DAB2IP: variants seen among roughly 807,000 people sequenced by gnomAD.
DAB2IP encodes the protein DAB2 interacting protein.
A neutral mutation model predicts 107.2 loss-of-function variants in DAB2IP; 28 were observed. That is an observed-to-expected ratio of 0.26 (90% confidence interval 0.19 to 0.36). The LOEUF is 0.36. Ranked by LOEUF, DAB2IP falls within the 10% of genes least tolerant of loss-of-function variation. DAB2IP has a pLI of 1.00. For synonymous variants in DAB2IP, 755 were observed against 706.4 expected, an observed-to-expected ratio of 1.07 and a Z score of -1.09; for missense variants, 1,400 against 1,644.7, an observed-to-expected ratio of 0.85 and a Z score of 2.57.
At chr9:121,630,146 AC>A (rs994993066) in intron 1 of DAB2IP, among the ~76,000 whole-genome samples, 11 of 152,216 alleles carry the variant, frequency 7.2e-5, no homozygotes, top group Admixed American at 1.3e-4. Flanking sequence ...GACATGAGAT[AC>A]CCAGTTGTCA....
intron 3 of DAB2IP, among the ~76,000 whole-genome samples, chr9:121,717,105 C>T (rs1188942261): frequency 6.6e-6 from 1 of 152,160 alleles, no homozygotes; most frequent in South Asian, 2.1e-4. Flanking sequence ...GAATCTTGCC[C>T]TCAGAGAAGC....
chr9:121,663,142 G>A (rs1273626594), intron 1 of DAB2IP, among the ~76,000 whole-genome samples: 1 of 152,186 alleles, frequency 6.6e-6, no homozygotes, highest in Non-Finnish European at 1.5e-5. Context: ...GGAATAGGAA[G>A]CATGGGCTGT....
Position 121,733,247 on chromosome 9 carries a change from C to A in DAB2IP, c.363-23766C>A, listed in dbSNP as rs74783347. ...GCAGTTGGTGGGTTTTAGCAGCACC[C>A]TCCTTTAGAAAAAGCCTCTGTCGTC... On this transcript the variant is annotated intron_variant, in intron 3 of 15. Transcript: ENST00000408936. Among the ~76,000 whole-genome samples, 10 of 152,332 alleles carry A rather than the reference C, an allele frequency of 6.6e-5. No individual in the cohort carries two copies. The East Asian group carries it at 1.9e-3, about 29-fold the overall frequency.
intron 3 of DAB2IP, among the ~76,000 whole-genome samples, chr9:121,718,226 C>A (rs1238989353): frequency 6.6e-6 from 1 of 152,164 alleles, no homozygotes; most frequent in Non-Finnish European, 1.5e-5. Context: ...CTGCCTTCTC[C>A]CAGCTCCCTC....
At chr9:121,676,913 G>A (rs1364113181) in intron 1 of DAB2IP, among the ~76,000 whole-genome samples, 1 of 152,224 alleles carries the variant, frequency 6.6e-6, no homozygotes, top group Admixed American at 6.5e-5. Flanking sequence ...AAGTGGCCAG[G>A]TTGGCAGGTT....
intron 2 of DAB2IP, among the ~76,000 whole-genome samples, chr9:121,691,302 G>A (rs757022932): frequency 1.3e-5 from 2 of 152,116 alleles, no homozygotes; most frequent in Non-Finnish European, 2.9e-5. Flanking sequence ...TCTACAGGGA[G>A]ACCTGGCCTA....
At chr9:121,768,713 G>T in intron 10 of DAB2IP, 80 bp downstream of exon 10, 4 of 1,560,382 alleles carry the variant, frequency 2.6e-6, no homozygotes, top group Non-Finnish European at 3.5e-6. Context: ...AGTAACCATG[G>T]AGGGCAGAGA....
chr9:121,713,334 C>T (rs1830428693), intron 3 of DAB2IP, among the ~76,000 whole-genome samples: 1 of 152,074 alleles, frequency 6.6e-6, no homozygotes, highest in Non-Finnish European at 1.5e-5. Flanking sequence ...TCTGACAGTG[C>T]CCTTCCCAGC....
Position 121,651,913 on chromosome 9 carries a change from C to A in DAB2IP, c.124+14C>A, listed in dbSNP as rs1234831174. On this transcript the variant is annotated intron_variant, in intron 1 of 15. Coordinates refer to ENST00000408936, the Ensembl canonical transcript of DAB2IP. The surrounding 1 kb of genome is among the most constrained non-coding windows in gnomAD (Gnocchi z 5.1). Reference sequence around the variant, plus strand: ...GGCCTGCCAGGGGTAGGCGCCACCCCGACCCCTGACCCCTAGACCCTCCTA... The same window carrying A: ...GGCCTGCCAGGGGTAGGCGCCACCCAGACCCCTGACCCCTAGACCCTCCTA... 5.1e-6 allele frequency: 7 copies of A among 1,377,508 alleles called. No individual in the cohort carries two copies. The highest frequency in any genetic ancestry group is 6.6e-6 in the Non-Finnish European group (7 of 1,058,124). 85.3% of individuals were successfully genotyped at this position (1,377,508 alleles called of 1,614,324 possible).
chr9:121,610,122 C>T (rs1831038687), intron 1 of DAB2IP, among the ~76,000 whole-genome samples: 1 of 152,034 alleles, frequency 6.6e-6, no homozygotes, highest in Non-Finnish European at 1.5e-5. Context: ...GTACTTGGCT[C>T]ATGAACTGTG....
intron 3 of DAB2IP, among the ~76,000 whole-genome samples, chr9:121,708,252 T>G (rs777654254): frequency 5.0e-4 from 76 of 152,228 alleles, no homozygotes; most frequent in Non-Finnish European, 9.1e-4. Flanking sequence ...TGAAACCCGA[T>G]GTGTGAGTGG....
intron 3 of DAB2IP, among the ~76,000 whole-genome samples, chr9:121,741,855 G>A (rs1832374704): frequency 6.6e-6 from 1 of 150,816 alleles, no homozygotes. Flanking sequence ...AATCCTATGA[G>A]GTAAATAATA....
rs1020028757 is a variant in DAB2IP, at chr9:121,760,569, C to T, written c.1170+130C>T. On this transcript the variant is annotated intron_variant, in intron 6 of 15. Transcript: ENST00000408936. This position sits in a 1 kb window ranked among gnomAD's most constrained non-coding sequence, Gnocchi z 5.9. Reference sequence around the variant, plus strand: ...CACCGGTCACTACCAGAAGGGCTCCCTAAACCCAAAAGTTCTATCGTGGGC... The same window carrying T: ...CACCGGTCACTACCAGAAGGGCTCCTTAAACCCAAAAGTTCTATCGTGGGC... 2.5e-6 allele frequency: 3 copies of T among 1,177,082 alleles called. No individual in the cohort carries two copies. Among genetic ancestry groups the T allele is most frequent in the Admixed American group, 5.8e-5 (2 of 34,594 alleles). The allele number at this position is 1,177,082 out of a possible 1,614,324, so 72.9% of individuals were successfully genotyped here.
chr9:121,648,124 A>T (rs1313433262), upstream of DAB2IP, among the ~76,000 whole-genome samples: 1 of 152,198 alleles, frequency 6.6e-6, no homozygotes, highest in African/African-American at 2.4e-5. Flanking sequence ...GGGGTGAAGG[A>T]TAAAAGACTA....
At chr9:121,651,521 C>A, upstream of DAB2IP, 1 of 357,064 alleles carries the variant, frequency 2.8e-6, no homozygotes, top group Non-Finnish European at 4.0e-6. This position sits in a 1 kb window ranked among gnomAD's most constrained non-coding sequence, Gnocchi z 5.1. Flanking sequence ...GGGATTTCTC[C>A]CGCACTGACT....
chr9:121,611,956 T>C (rs771887454), intron 1 of DAB2IP, among the ~76,000 whole-genome samples: 22 of 152,252 alleles, frequency 1.4e-4, no homozygotes, highest in Non-Finnish European at 2.8e-4. Context: ...TAATAAATGC[T>C]GCAGTTTTGT....
At chr9:121,636,018 C>T (rs895363062) in intron 1 of DAB2IP, among the ~76,000 whole-genome samples, 9 of 152,286 alleles carry the variant, frequency 5.9e-5, no homozygotes, top group African/African-American at 1.9e-4. Context: ...ATTCTCGTGT[C>T]TCAGCCTCTT....
intron 1 of DAB2IP, among the ~76,000 whole-genome samples, chr9:121,670,131 C>CT (rs1833617338): frequency 6.6e-6 from 1 of 152,204 alleles, no homozygotes; most frequent in Non-Finnish European, 1.5e-5. Context: ...ATCTCTATTG[C>CT]TTTATCCCTT....
At chr9:121,775,337 C>G (rs1012158237) in intron 13 of DAB2IP, among the ~76,000 whole-genome samples, 1 of 152,210 alleles carries the variant, frequency 6.6e-6, no homozygotes, top group Non-Finnish European at 1.5e-5. Context: ...TGCATCCTGC[C>G]ACCGCCACCA....
Sources: gnomAD v4.1 joint callset for allele counts (sites outside exome capture counted in the v4.1 genomes callset) on GRCh38, gnomAD v4.1.1 for gene constraint, Gnocchi (gnomAD v3.1) non-coding constraint, MANE v1.5 for transcripts, NCBI Gene and HGNC (gene_info 2026-07-23, HGNC 2026-07-21) for gene names.